PRIM2: variants seen among roughly 807,000 people sequenced by gnomAD.
PRIM2 encodes the protein DNA primase subunit 2, also known as DNA primase large subunit.
Under a neutral mutation model 67.3 loss-of-function variants are expected in PRIM2, and 39 were observed. The ratio of observed to expected loss-of-function variants is 0.58; its 90% CI spans 0.45 to 0.76. The LOEUF (loss-of-function observed/expected upper bound fraction) is 0.76, where lower values mean the gene tolerates loss of function less well. PRIM2 is among the 30% of genes least tolerant of loss of function. The pLI is 0.00. For missense variants in PRIM2, 398 were observed against 598.7 expected (o/e 0.66, Z 3.50); for synonymous variants, 143 against 198.7 (o/e 0.72, Z 2.36).
chr6:57,408,908 C>T (rs7772676), intron 7 of PRIM2, among the ~76,000 whole-genome samples: 3 of 152,302 alleles, frequency 2.0e-5, no homozygotes, highest in East Asian at 1.9e-4. Flanking sequence ...GACAGGGTCT[C>T]GCTGTGTTTC....
the PRIM2 span, among the ~76,000 whole-genome samples, chr6:57,302,978 G>A: frequency 6.6e-6 from 1 of 152,126 alleles, no homozygotes; most frequent in Non-Finnish European, 1.5e-5. Flanking sequence ...GTAATGTAAT[G>A]TAAAAAAGCC....
chr6:57,240,630 C>G, the PRIM2 span, among the ~76,000 whole-genome samples: 1 of 152,140 alleles, frequency 6.6e-6, no homozygotes, highest in South Asian at 2.1e-4. Flanking sequence ...GAGAAAGCCA[C>G]AAGTCCTGAT....
chr6:57,233,471 T>G, the PRIM2 span, among the ~76,000 whole-genome samples: 1 of 152,202 alleles, frequency 6.6e-6, no homozygotes, highest in Non-Finnish European at 1.5e-5. Flanking sequence ...CTGGTAAAAC[T>G]TCAACCTCTA....
intron 6 of PRIM2, among the ~76,000 whole-genome samples, chr6:57,381,174 A>C (rs1350292248): frequency 6.6e-6 from 1 of 152,196 alleles, no homozygotes; most frequent in Non-Finnish European, 1.5e-5. Context: ...ACTGTGTTGC[A>C]GTTGTAGAAA....
intron 10 of PRIM2, among the ~76,000 whole-genome samples, chr6:57,589,230 C>T (rs1268282686): frequency 1.3e-5 from 2 of 152,214 alleles, no homozygotes; most frequent in East Asian, 1.9e-4. Flanking sequence ...CAAACCTTTC[C>T]CTTTCCTTTC....
At chr6:57,333,652 C>T (rs570123905) in intron 5 of PRIM2, among the ~76,000 whole-genome samples, 12 of 152,004 alleles carry the variant, frequency 7.9e-5, no homozygotes, top group Non-Finnish European at 1.6e-4. Context: ...GATTGGTACT[C>T]TTATTTTCTT....
At chr6:57,633,604 T>TGCA (rs1325618928) in intron 13 of PRIM2, among the ~76,000 whole-genome samples, 2 of 152,184 alleles carry the variant, frequency 1.3e-5, no homozygotes, top group Non-Finnish European at 2.9e-5. Context: ...GAACCCTTAA[T>TGCA]GCAGCAGTCC....
chr6:57,548,699 GAGTT>G (rs1287301689), intron 10 of PRIM2, among the ~76,000 whole-genome samples: 2 of 152,124 alleles, frequency 1.3e-5, no homozygotes, highest in African/African-American at 4.8e-5. Context: ...ATTGCATTGG[GAGTT>G]TAGTTTATCT....
intron 13 of PRIM2, among the ~76,000 whole-genome samples, chr6:57,642,505 C>T (rs1264128570): frequency 8.0e-6 from 1 of 124,508 alleles, no homozygotes; most frequent in Non-Finnish European, 1.6e-5. Flanking sequence ...TGCAGTGGCG[C>T]GATCTCGACT....
intron 7 of PRIM2, among the ~76,000 whole-genome samples, chr6:57,458,217 T>C (rs556860371): frequency 3.3e-5 from 5 of 152,172 alleles, no homozygotes; most frequent in African/African-American, 2.4e-5. Context: ...AGGATTTAGA[T>C]TGCAGTCATA....
rs117623216 is a variant in PRIM2 at position 57,331,843 on chromosome 6, G to T, written c.459+5798G>T. On this transcript the variant is annotated intron_variant, in intron 5 of 13. Transcript: ENST00000615550. ...GTCAGTGTTACTGGATTTGTTCAAAGAACCAACTTTTGGTTTCATTGATTT... is the reference window on the plus strand; with the variant it reads ...GTCAGTGTTACTGGATTTGTTCAAATAACCAACTTTTGGTTTCATTGATTT... Among the ~76,000 whole-genome samples, 193 of 151,746 alleles carry T rather than the reference G, an allele frequency of 1.3e-3. 4 individuals carry two copies. The East Asian group carries it at 0.016, about 13-fold the overall frequency.
the PRIM2 span, among the ~76,000 whole-genome samples, chr6:57,236,727 T>C: frequency 0.1 from 15,551 of 152,172 alleles, 1,017 homozygotes; most frequent in African/African-American, 0.17. Context: ...CATCCATGTC[T>C]CTACAAAGGA....
chr6:57,445,990 T>A (rs2067974), intron 7 of PRIM2, among the ~76,000 whole-genome samples: 583 of 127,734 alleles, frequency 4.6e-3, no homozygotes, highest in East Asian at 8.6e-3. Flanking sequence ...TTTATTTCTG[T>A]TGGTGGAGTG....
intron 5 of PRIM2, among the ~76,000 whole-genome samples, chr6:57,376,923 G>T (rs1416470992): frequency 2.6e-5 from 4 of 152,256 alleles, no homozygotes; most frequent in Admixed American, 6.5e-5. Flanking sequence ...TGTCGCCCAG[G>T]CTGGAGTGCA....
chr6:57,325,597 A>G (rs1303919327), intron 4 of PRIM2, among the ~76,000 whole-genome samples: 2 of 152,094 alleles, frequency 1.3e-5, no homozygotes, highest in African/African-American at 4.8e-5. Context: ...CCCAGCCCCT[A>G]TTTTCTAACA....
intron 7 of PRIM2, among the ~76,000 whole-genome samples, chr6:57,418,383 G>GTTTTTTTTTTTTTTTTTT (rs34491627): frequency 2.1e-5 from 1 of 47,234 alleles, no homozygotes; most frequent in South Asian, 1.0e-3. Flanking sequence ...TATGTGTGTG[G>GTTTTTTTTTTTTTTTTTT]TTTTTTTTTT....
At chr6:57,561,814 G>A (rs1392820773) in intron 10 of PRIM2, among the ~76,000 whole-genome samples, 2 of 152,108 alleles carry the variant, frequency 1.3e-5, no homozygotes, top group African/African-American at 4.8e-5. Flanking sequence ...TTAGCTTTCG[G>A]CCTATCTCAC....
chr6:57,536,301 C>T (rs1412164596), intron 9 of PRIM2, among the ~76,000 whole-genome samples: 2 of 152,158 alleles, frequency 1.3e-5, no homozygotes, highest in African/African-American at 2.4e-5. Context: ...CAATTGAAAC[C>T]GTAAGTGAAA....
intron 10 of PRIM2, among the ~76,000 whole-genome samples, chr6:57,558,966 A>G (rs1308363854): frequency 6.6e-6 from 1 of 151,846 alleles, no homozygotes; most frequent in Non-Finnish European, 1.5e-5. Context: ...CCTCTCTCCA[A>G]AAAAATAAAA....
Sources: allele counts gnomAD v4.1 joint callset (sites outside exome capture counted in the v4.1 genomes callset), GRCh38; gene constraint gnomAD v4.1.1; transcripts MANE v1.5; gene names NCBI Gene and HGNC (gene_info 2026-07-23, HGNC 2026-07-21).